Variants in VPS13B observed in about 807,000 individuals in gnomAD.
VPS13B encodes intermembrane lipid transfer protein VPS13B.
Under a neutral mutation model 426.4 loss-of-function variants are expected in VPS13B, and 285 were observed. The ratio of observed to expected loss-of-function variants is 0.67; its 90% CI spans 0.61 to 0.74. VPS13B has a LOEUF of 0.74. Ranked by LOEUF, VPS13B falls within the 30% of genes least tolerant of loss-of-function variation. The probability of loss-of-function intolerance (pLI) is 0.00; values close to 1 mark genes in which losing one functional copy is unlikely to be tolerated. For missense variants in VPS13B, 4,537 were observed against 4,782.6 expected (o/e 0.95, Z 1.51); for synonymous variants, 1,676 against 1,676.4 (o/e 1.00, Z 0.01).
At chr8:99,401,606 C>T (rs1463320937) in intron 21 of VPS13B, among the ~76,000 whole-genome samples, 1 of 152,208 alleles carries the variant, frequency 6.6e-6, no homozygotes, top group Non-Finnish European at 1.5e-5. Flanking sequence ...TGGCTCACAC[C>T]TGTAATCCCA....
chr8:99,212,672 T>TCTTCTTCC (rs1396212058), intron 17 of VPS13B, among the ~76,000 whole-genome samples: 1 of 46,448 alleles, frequency 2.2e-5, no homozygotes, highest in Non-Finnish European at 5.0e-5. Context: ...TCTCTTCTTC[T>TCTTCTTCC]TCCTTAGTGC....
chr8:99,475,157 A>C (rs1819624969), intron 24 of VPS13B, among the ~76,000 whole-genome samples: 1 of 152,242 alleles, frequency 6.6e-6, no homozygotes, highest in Admixed American at 6.5e-5. Flanking sequence ...TACTATTAAT[A>C]TATAGTGATA....
chr8:99,575,842 A>T (rs1291502656), intron 32 of VPS13B, 58 bp downstream of exon 32: 1 of 1,559,458 alleles, frequency 6.4e-7, no homozygotes, highest in African/African-American at 1.4e-5. Context: ...TCCTCTTTGT[A>T]TGTTAGGGAT....
intron 21 of VPS13B, among the ~76,000 whole-genome samples, chr8:99,409,560 T>C (rs938676470): frequency 3.9e-5 from 6 of 152,146 alleles, no homozygotes; most frequent in Non-Finnish European, 8.8e-5. Flanking sequence ...CAATTAGATA[T>C]GTCAAATTAA....
intron 19 of VPS13B, among the ~76,000 whole-genome samples, chr8:99,344,288 C>T (rs926274024): frequency 6.6e-6 from 1 of 152,118 alleles, no homozygotes; most frequent in African/African-American, 2.4e-5. Flanking sequence ...TATCTCAAAC[C>T]ATATACAAAA....
At chr8:99,339,734 A>G (rs902660034) in intron 19 of VPS13B, among the ~76,000 whole-genome samples, 2 of 152,174 alleles carry the variant, frequency 1.3e-5, no homozygotes, top group Non-Finnish European at 1.5e-5. Context: ...CAAACAAGAA[A>G]GGCAGTGCTT....
intron 33 of VPS13B, among the ~76,000 whole-genome samples, chr8:99,592,089 CT>C (rs1410542806): frequency 6.6e-6 from 1 of 151,790 alleles, no homozygotes; most frequent in African/African-American, 2.4e-5. Context: ...GATACCTTTT[CT>C]TCCACTTGAT....
chr8:99,337,473 C>CA (rs1810974364), intron 19 of VPS13B, among the ~76,000 whole-genome samples: 1 of 151,660 alleles, frequency 6.6e-6, no homozygotes, highest in Non-Finnish European at 1.5e-5. Context: ...TGTAACTAAC[C>CA]TGCACATTGT....
rs868784509 is a variant in VPS13B at position 99,157,233 on chromosome 8, A to G, written c.2208+490A>G. On this transcript the variant is annotated intron_variant, in intron 15 of 61. Transcript: ENST00000357162. ...ATGCCATTTTATCATGCATTACTTT[A>G]TTGTACTTCATAGTAATTGTGTGTG... Among the ~76,000 whole-genome samples, 7 of 149,594 alleles carry G rather than the reference A, an allele frequency of 4.7e-5. 1 individual carries two copies. Among genetic ancestry groups the G allele is most frequent in the Non-Finnish European group, 5.9e-5 (4 of 67,526 alleles).
At chr8:99,766,749 C>G in intron 39 of VPS13B, 25 bp from the exon 40 acceptor site, 2 of 1,600,914 alleles carry the variant, frequency 1.2e-6, no homozygotes, top group East Asian at 2.2e-5. Context: ...TTTGCAACTT[C>G]TAAATTTTTT....
chr8:99,634,274 T>C (rs765481236), intron 33 of VPS13B, among the ~76,000 whole-genome samples: 6 of 152,018 alleles, frequency 3.9e-5, no homozygotes, highest in Non-Finnish European at 7.4e-5. Flanking sequence ...CTAGGTGTTA[T>C]AGTCAGTTTA....
intron 29 of VPS13B, among the ~76,000 whole-genome samples, chr8:99,519,926 T>TG (rs1054566931): frequency 1.3e-5 from 2 of 152,140 alleles, no homozygotes; most frequent in African/African-American, 4.8e-5. Context: ...GTTGTGCACA[T>TG]GTACCCTAGA....
At position 99,030,135 on chromosome 8, in the gene VPS13B, C is replaced by CTTTTT. The variant is rs58542671; in HGVS notation, c.148-8272_148-8268dup. Among the ~76,000 whole-genome samples the CTTTTT allele has an allele frequency of 1.6e-3, 120 of 75,708 alleles. 4 individuals are homozygous for CTTTTT. The highest frequency in any genetic ancestry group is 7.6e-3 in the South Asian group (12 of 1,574). The allele number at this position is 75,708 out of a possible 152,430, so 49.7% of individuals were successfully genotyped here. On this transcript the variant is annotated intron_variant, in intron 2 of 61. Transcript: ENST00000357162. Reference sequence around the variant, plus strand: ...TCTTCTGGATCTCCAAAAATACATGCTTTTTTTTTTTTTTTTTTTTACTTA... The same window carrying CTTTTT: ...TCTTCTGGATCTCCAAAAATACATGCTTTTTTTTTTTTTTTTTTTTTTTTTACTTA...
intron 23 of VPS13B, among the ~76,000 whole-genome samples, chr8:99,450,899 G>A (rs571778352): frequency 9.2e-5 from 14 of 151,982 alleles, no homozygotes; most frequent in South Asian, 2.1e-4. Context: ...GAACACATTC[G>A]TATGTAACTA....
intron 61 of VPS13B, among the ~76,000 whole-genome samples, chr8:99,872,849 ATC>A (rs774255366): frequency 2.6e-5 from 4 of 152,176 alleles, no homozygotes; most frequent in African/African-American, 4.8e-5. Context: ...GGGTAAAATT[ATC>A]TGAGAAGATG....
intron 23 of VPS13B, among the ~76,000 whole-genome samples, chr8:99,458,489 G>A (rs1386105044): frequency 6.6e-5 from 10 of 152,054 alleles, no homozygotes; most frequent in East Asian, 1.9e-4. Flanking sequence ...CTGAGGAATC[G>A]CCACACTGAC....
At chr8:99,098,628 ACTC>A (rs1461349748) in intron 4 of VPS13B, among the ~76,000 whole-genome samples, 3 of 151,736 alleles carry the variant, frequency 2.0e-5, no homozygotes, top group Non-Finnish European at 4.4e-5. Context: ...CTTTAGGAAA[ACTC>A]CTTTCCAATT....
intron 14 of VPS13B, among the ~76,000 whole-genome samples, chr8:99,149,055 AG>A (rs1810911302): frequency 6.6e-6 from 1 of 152,216 alleles, no homozygotes; most frequent in South Asian, 2.1e-4. Context: ...TATTCTACCA[AG>A]GTCTGCTGTG....
At chr8:99,444,802 T>G (rs1238283722) in intron 23 of VPS13B, among the ~76,000 whole-genome samples, 1 of 152,198 alleles carries the variant, frequency 6.6e-6, no homozygotes, top group Non-Finnish European at 1.5e-5. Context: ...TAGCTGGGAC[T>G]ACAGGCACAC....
Sources: gnomAD v4.1 joint callset for allele counts (sites outside exome capture counted in the v4.1 genomes callset) on GRCh38, gnomAD v4.1.1 for gene constraint, MANE v1.5 for transcripts, NCBI Gene and HGNC (gene_info 2026-07-23, HGNC 2026-07-21) for gene names.